The following NIPBL variants were observed in gnomAD, a reference collection of about 807,000 sequenced individuals.
The protein encoded by NIPBL is NIPBL cohesin loading factor.
In NIPBL, 19 loss-of-function variants were observed where a neutral mutation model predicts 321.8. The ratio of observed to expected loss-of-function variants is 0.06; its 90% CI spans 0.04 to 0.09. NIPBL has a LOEUF of 0.09. Among genes scored for constraint, NIPBL ranks in the 10% least tolerant of loss-of-function variants. The pLI, the probability that NIPBL is intolerant of heterozygous loss-of-function variation, is 1.00. For synonymous variants in NIPBL, 1,106 were observed against 1,114.1 expected (o/e 0.99, Z 0.14); for missense variants, 2,210 against 3,327.0 (o/e 0.66, Z 8.26).
At chr5:36,914,579 CAT>C (rs1299076558) in intron 1 of NIPBL, among the ~76,000 whole-genome samples, 1 of 152,140 alleles carries the variant, frequency 6.6e-6, no homozygotes, top group Non-Finnish European at 1.5e-5. Context: ...GTATATGAAA[CAT>C]AAATGAATTT....
intron 21 of NIPBL, among the ~76,000 whole-genome samples, chr5:37,014,390 C>A (rs1281310801): frequency 6.6e-6 from 1 of 151,400 alleles, no homozygotes; most frequent in African/African-American, 2.4e-5. Context: ...CAATCCATTT[C>A]TTTCTGTTCT....
chr5:37,063,703 A>C (rs1193374718), intron 45 of NIPBL, 87 bp from the exon 46 acceptor site: 1 of 1,359,900 alleles, frequency 7.4e-7, no homozygotes, highest in East Asian at 2.5e-5. Flanking sequence ...CCCACACCAA[A>C]CTACTGCCAT....
At chr5:37,048,215 C>A (rs1268097311) in intron 38 of NIPBL, among the ~76,000 whole-genome samples, 3 of 152,214 alleles carry the variant, frequency 2.0e-5, no homozygotes, top group Admixed American at 2.0e-4. Flanking sequence ...ACCCAAGACT[C>A]CTGACTCCTA....
chr5:36,877,694 A>G (rs1164578657), intron 1 of NIPBL, among the ~76,000 whole-genome samples: 1 of 152,264 alleles, frequency 6.6e-6, no homozygotes, highest in Non-Finnish European at 1.5e-5. Flanking sequence ...GGGAGGAAGT[A>G]GTTTCAGTTA....
chr5:37,054,307 A>G (rs1753873938), intron 42 of NIPBL, among the ~76,000 whole-genome samples: 1 of 152,322 alleles, frequency 6.6e-6, no homozygotes, highest in Middle Eastern at 3.4e-3. Flanking sequence ...ATATCTTACT[A>G]GACCTCTTCA....
At chr5:36,995,171 T>G (rs1745998207) in intron 10 of NIPBL, 2 of 163,074 alleles carry the variant, frequency 1.2e-5, no homozygotes, top group South Asian at 3.4e-4. Flanking sequence ...GGTAAGTGTC[T>G]TCCAACACTT....
intron 9 of NIPBL, among the ~76,000 whole-genome samples, chr5:36,981,252 A>G (rs1483734445): frequency 1.3e-5 from 2 of 151,740 alleles, no homozygotes; most frequent in Non-Finnish European, 3.0e-5. Flanking sequence ...ATTCCACTCA[A>G]TAACCAGAAA....
chr5:37,016,015 TTTC>T lies in NIPBL; in HGVS notation c.4644-22_4644-20del. ...CATGTGTCACCTAAATTGACATCCT[TTTC>T]ATTATTTGCCTTTGAACAGATGTGG... On this transcript the variant is annotated intron_variant, in intron 22 of 46. Transcript: ENST00000282516. The T allele has an allele frequency of 6.2e-7, 1 of 1,613,480 alleles. No individual in the cohort carries two copies. Among genetic ancestry groups the T allele is most frequent in the Non-Finnish European group, 8.5e-7 (1 of 1,179,568 alleles).
intron 3 of NIPBL, among the ~76,000 whole-genome samples, chr5:36,956,857 T>TA (rs1395661888): frequency 6.6e-6 from 1 of 151,896 alleles, no homozygotes; most frequent in Admixed American, 6.6e-5. Context: ...ATTCCCGACT[T>TA]CAGGTGATCC....
At chr5:37,008,916 C>T (rs927967956) in intron 20 of NIPBL, among the ~76,000 whole-genome samples, 193 bp downstream of exon 20, 2 of 152,254 alleles carry the variant, frequency 1.3e-5, no homozygotes, top group East Asian at 1.9e-4. Flanking sequence ...TTCACTGATT[C>T]TCAAGGGTAA....
intron 10 of NIPBL, among the ~76,000 whole-genome samples, chr5:36,992,721 TA>T: frequency 7.3e-6 from 1 of 136,160 alleles, no homozygotes; most frequent in African/African-American, 2.9e-5. Context: ...TTTATTTATT[TA>T]TTTATTTATT....
intron 11 of NIPBL, among the ~76,000 whole-genome samples, chr5:36,999,900 A>G (rs756086680): frequency 1.3e-5 from 2 of 152,200 alleles, no homozygotes; most frequent in Non-Finnish European, 2.9e-5. Flanking sequence ...TTGATGATGT[A>G]CATGGTTACC....
At chr5:37,045,618 A>G (rs936242072) in intron 37 of NIPBL, 21 bp downstream of exon 37, 2 of 1,610,492 alleles carry the variant, frequency 1.2e-6, no homozygotes, top group African/African-American at 2.7e-5. Context: ...TAATACTTAA[A>G]ATGCTATAAA....
chr5:36,971,560 T>C (rs1455466609), intron 7 of NIPBL, among the ~76,000 whole-genome samples: 1 of 152,196 alleles, frequency 6.6e-6, no homozygotes, highest in African/African-American at 2.4e-5. Context: ...TCTGGAAATT[T>C]GCCTTGTTAT....
chr5:36,890,392 A>G (rs886286920), intron 1 of NIPBL, among the ~76,000 whole-genome samples: 1 of 152,188 alleles, frequency 6.6e-6, no homozygotes, highest in African/African-American at 2.4e-5. Flanking sequence ...TTCTGCTATA[A>G]TCTTTATTTT....
At chr5:37,043,340 C>T (rs963504128) in intron 34 of NIPBL, among the ~76,000 whole-genome samples, 3 of 151,910 alleles carry the variant, frequency 2.0e-5, no homozygotes, top group Admixed American at 6.6e-5. Context: ...CCAGCCTGGC[C>T]AAGATGGTGA....
chr5:36,965,573 A>T (rs745349954), intron 6 of NIPBL, among the ~76,000 whole-genome samples: 13 of 152,100 alleles, frequency 8.5e-5, no homozygotes, highest in Non-Finnish European at 1.8e-4. Context: ...ATACTGTCTG[A>T]TAGGAGAAAT....
chr5:36,903,130 G>A (rs1043057606), intron 1 of NIPBL, among the ~76,000 whole-genome samples: 1 of 152,178 alleles, frequency 6.6e-6, no homozygotes, highest in Non-Finnish European at 1.5e-5. Flanking sequence ...TCCTGAAACT[G>A]TGCTGACGTG....
At chr5:36,978,527 A>C (rs1743770702) in intron 9 of NIPBL, among the ~76,000 whole-genome samples, 1 of 151,770 alleles carries the variant, frequency 6.6e-6, no homozygotes. Flanking sequence ...ACTTTCTCTC[A>C]TTCTCTAGGT....
Sources: allele counts gnomAD v4.1 joint callset (sites outside exome capture counted in the v4.1 genomes callset), GRCh38; gene constraint gnomAD v4.1.1; transcripts MANE v1.5; gene names NCBI Gene and HGNC (gene_info 2026-07-23, HGNC 2026-07-21).